Variants in PDE11A observed in about 807,000 individuals in gnomAD.
PDE11A encodes dual 3',5'-cyclic-AMP and -GMP phosphodiesterase 11A.
PDE11A carries 100 observed loss-of-function variants against 100.5 expected under a neutral mutation model. The observed-to-expected ratio is 1.00, with a 90% CI of 0.85 to 1.18. PDE11A has a LOEUF of 1.18. PDE11A is among the 50% of genes most tolerant of loss of function. The pLI, the probability that PDE11A is intolerant of heterozygous loss-of-function variation, is 0.00. For synonymous variants in PDE11A, 381 were observed against 420.8 expected (o/e 0.91, Z 1.16); for missense variants, 1,141 against 1,152.6 (o/e 0.99, Z 0.15).
rs565504064 is a variant in PDE11A at position 177,754,286 on chromosome 2, C to A, written c.1788+15037G>T. 6.6e-5 allele frequency among the ~76,000 whole-genome samples: 10 copies of A among 152,268 alleles called. No individual in the cohort carries two copies. The South Asian group carries it at 2.1e-3, about 32-fold the overall frequency. ...ATACCCTGTCAGAAGAAAAATAAAT[C>A]TCCCTGAGTCTACATTCAGGCATCT... is the stretch of plus-strand genomic sequence containing the variant. On this transcript the variant is annotated intron_variant, in intron 10 of 19. Transcript: ENST00000286063.
chr2:178,030,210 G>A (rs907262208), intron 1 of PDE11A, among the ~76,000 whole-genome samples: 1 of 151,884 alleles, frequency 6.6e-6, no homozygotes, highest in African/African-American at 2.4e-5. Context: ...GAATAAAATG[G>A]GGCTAAAACT....
At chr2:178,059,590 T>C (rs2086942068) in intron 1 of PDE11A, among the ~76,000 whole-genome samples, 1 of 152,238 alleles carries the variant, frequency 6.6e-6, no homozygotes, top group Non-Finnish European at 1.5e-5. Context: ...ATCCCAGTTC[T>C]TGACCTTGTA....
intron 1 of PDE11A, among the ~76,000 whole-genome samples, chr2:178,050,072 C>T (rs947032903): frequency 1.1e-4 from 16 of 151,940 alleles, no homozygotes; most frequent in Non-Finnish European, 1.9e-4. Context: ...TCCTGACCCC[C>T]GAGTAGCCTA....
intron 9 of PDE11A, among the ~76,000 whole-genome samples, chr2:177,795,562 C>A (rs1286358480): frequency 6.6e-6 from 1 of 152,060 alleles, no homozygotes; most frequent in African/African-American, 2.4e-5. Context: ...TTTTTAGGTG[C>A]TAGTCAAAGA....
chr2:178,063,957 G>C (rs570688523), intron 1 of PDE11A, among the ~76,000 whole-genome samples: 1 of 152,198 alleles, frequency 6.6e-6, no homozygotes, highest in Non-Finnish European at 1.5e-5. Flanking sequence ...TGTGAATAAA[G>C]CCTTCTGGAC....
chr2:177,964,673 G>T (rs149783902), intron 2 of PDE11A, among the ~76,000 whole-genome samples: 51 of 152,200 alleles, frequency 3.4e-4, no homozygotes, highest in African/African-American at 1.2e-3. Context: ...ATTTGCTTAG[G>T]ATAATAGACT....
chr2:178,086,658 C>T (rs549724392), intron 2 of PDE11A, among the ~76,000 whole-genome samples: 2 of 152,158 alleles, frequency 1.3e-5, no homozygotes, highest in South Asian at 4.2e-4. Context: ...AGAAAGATTC[C>T]ATTTAAAAAT....
intron 9 of PDE11A, among the ~76,000 whole-genome samples, chr2:177,811,910 T>C (rs2082954631): frequency 6.6e-6 from 1 of 152,166 alleles, no homozygotes; most frequent in African/African-American, 2.4e-5. Flanking sequence ...AAACAGGCAA[T>C]CTGTTTTCAG....
chr2:177,967,221 T>TA (rs2085710074), intron 2 of PDE11A, among the ~76,000 whole-genome samples: 2 of 118,128 alleles, frequency 1.7e-5, no homozygotes, highest in East Asian at 4.9e-4. Context: ...TTTTTTTTTT[T>TA]ACTCTCCCTG....
At chr2:177,638,715 C>A (rs1038159718) in intron 19 of PDE11A, among the ~76,000 whole-genome samples, 1 of 152,024 alleles carries the variant, frequency 6.6e-6, no homozygotes, top group African/African-American at 2.4e-5. Flanking sequence ...GGGTCCAAAG[C>A]AGCCTTTTTT....
chr2:177,727,836 C>G (rs2081622646), intron 11 of PDE11A, 71 bp from the exon 12 acceptor site: 1 of 1,030,692 alleles, frequency 9.7e-7, no homozygotes, highest in Non-Finnish European at 1.5e-6. Flanking sequence ...TCAATGGTGC[C>G]TTATATCTGA....
At chr2:177,855,064 T>C (rs910894049) in intron 5 of PDE11A, among the ~76,000 whole-genome samples, 3 of 152,126 alleles carry the variant, frequency 2.0e-5, no homozygotes, top group African/African-American at 7.2e-5. Context: ...TTTCTTCATT[T>C]CCTTGACATT....
chr2:177,874,452 T>C (rs929965253), intron 5 of PDE11A, among the ~76,000 whole-genome samples: 9 of 152,188 alleles, frequency 5.9e-5, no homozygotes, highest in Non-Finnish European at 1.5e-5. Context: ...TGCATTTTGG[T>C]TAATTTCACT....
At chr2:177,706,894 T>G in intron 13 of PDE11A, among the ~76,000 whole-genome samples, 1 of 78,508 alleles carries the variant, frequency 1.3e-5, no homozygotes, top group South Asian at 4.2e-4. Flanking sequence ...CCTCGGTTTT[T>G]GTTTTTTTTT....
chr2:177,755,095 C>A (rs2082073449), intron 10 of PDE11A, among the ~76,000 whole-genome samples: 1 of 152,136 alleles, frequency 6.6e-6, no homozygotes, highest in Non-Finnish European at 1.5e-5. Flanking sequence ...GAGAAAGAGG[C>A]TGATCTGAGA....
At chr2:177,847,585 C>G (rs1303933057) in intron 5 of PDE11A, among the ~76,000 whole-genome samples, 1 of 152,196 alleles carries the variant, frequency 6.6e-6, no homozygotes, top group African/African-American at 2.4e-5. Context: ...ACAGACACCT[C>G]CAAGTCCTTC....
chr2:177,824,358 A>C (rs537075289), intron 6 of PDE11A, among the ~76,000 whole-genome samples: 1 of 152,330 alleles, frequency 6.6e-6, no homozygotes, highest in Non-Finnish European at 1.5e-5. Context: ...GCAAGAGAGA[A>C]CTTGTCCAAC....
At chr2:178,105,674 G>C in intron 1 of PDE11A, 1 of 777,060 alleles carries the variant, frequency 1.3e-6, no homozygotes, top group Non-Finnish European at 1.9e-6. Context: ...GTACAGGATG[G>C]CATAATGAAG....
intron 2 of PDE11A, among the ~76,000 whole-genome samples, chr2:177,999,113 C>T (rs35454650): frequency 0.056 from 8,456 of 152,148 alleles, 295 homozygotes; most frequent in South Asian, 0.092. Flanking sequence ...AGTGTTAAGC[C>T]GAGACTTAAA....
Sources: gnomAD v4.1 joint callset for allele counts (sites outside exome capture counted in the v4.1 genomes callset) on GRCh38, gnomAD v4.1.1 for gene constraint, MANE v1.5 for transcripts, NCBI Gene and HGNC (gene_info 2026-07-23, HGNC 2026-07-21) for gene names.